SUCLG2: variants seen among roughly 807,000 people sequenced by gnomAD.
SUCLG2 encodes succinate-CoA ligase GDP-forming subunit beta.
In SUCLG2, 42 loss-of-function variants were observed where a neutral mutation model predicts 47.9. The observed-to-expected ratio is 0.88, with a 90% confidence interval of 0.69 to 1.14. SUCLG2 has a LOEUF of 1.14. Among genes scored for constraint, SUCLG2 ranks in the 50% most tolerant of loss-of-function variants. SUCLG2 has a pLI of 0.00. For synonymous variants in SUCLG2, 195 were observed against 197.3 expected, an observed-to-expected ratio of 0.99 and a Z score of 0.10; for missense variants, 571 against 525.9, an observed-to-expected ratio of 1.09 and a Z score of -0.84.
intron 6 of SUCLG2, among the ~76,000 whole-genome samples, chr3:67,510,886 GTT>G (rs1223682577): frequency 7.4e-6 from 1 of 135,884 alleles, no homozygotes; most frequent in Non-Finnish European, 1.6e-5. Flanking sequence ...CTGTTAAATT[GTT>G]CTTTTTTTTT....
chr3:67,540,340 C>T (rs551578285), intron 2 of SUCLG2, among the ~76,000 whole-genome samples: 9 of 152,026 alleles, frequency 5.9e-5, no homozygotes, highest in African/African-American at 1.9e-4. Flanking sequence ...GTCTGAAGTC[C>T]ACCTGGGGTG....
chr3:67,361,729 A>G (rs950838549), intron 10 of SUCLG2, among the ~76,000 whole-genome samples: 4 of 151,810 alleles, frequency 2.6e-5, no homozygotes, highest in African/African-American at 9.7e-5. Context: ...GTTTTAAGCA[A>G]CTCCTACAAA....
chr3:67,529,968 A>G (rs550539358), intron 2 of SUCLG2, among the ~76,000 whole-genome samples: 1 of 152,242 alleles, frequency 6.6e-6, no homozygotes. Flanking sequence ...CCCCTCCCCA[A>G]CCACCAAAAC....
At chr3:67,636,037 A>G (rs1701003926) in intron 1 of SUCLG2, among the ~76,000 whole-genome samples, 1 of 152,234 alleles carries the variant, frequency 6.6e-6, no homozygotes, top group Non-Finnish European at 1.5e-5. Flanking sequence ...ATTCAAGCTC[A>G]AGCGGAGATG....
chr3:67,596,237 C>T (rs1708289529), intron 2 of SUCLG2, among the ~76,000 whole-genome samples: 1 of 152,220 alleles, frequency 6.6e-6, no homozygotes, highest in Admixed American at 6.5e-5. Context: ...AAACACCTCT[C>T]TCTTCCCCTC....
At chr3:67,501,157 AT>A (rs1474087707) in intron 7 of SUCLG2, among the ~76,000 whole-genome samples, 1 of 152,194 alleles carries the variant, frequency 6.6e-6, no homozygotes, top group African/African-American at 2.4e-5. Context: ...TAATTGGATC[AT>A]TGCATGTATG....
intron 9 of SUCLG2, among the ~76,000 whole-genome samples, chr3:67,467,438 C>T (rs758116316): frequency 3.3e-5 from 5 of 152,180 alleles, no homozygotes; most frequent in Admixed American, 6.5e-5. Context: ...AAAAAAGCTG[C>T]TCCACTGCCT....
At chr3:67,648,476 C>CA (rs1701231087) in intron 1 of SUCLG2, among the ~76,000 whole-genome samples, 1 of 152,200 alleles carries the variant, frequency 6.6e-6, no homozygotes, top group Non-Finnish European at 1.5e-5. Context: ...CTTTCAGTGA[C>CA]AGAGCTTAAT....
chr3:67,431,667 T>G (rs1022634264), intron 9 of SUCLG2, among the ~76,000 whole-genome samples: 1 of 149,732 alleles, frequency 6.7e-6, no homozygotes, highest in Non-Finnish European at 1.5e-5. Context: ...ATGTTCTCAC[T>G]CATAGGTGGG....
At chr3:67,438,830 C>T (rs989916499) in intron 9 of SUCLG2, among the ~76,000 whole-genome samples, 6 of 152,150 alleles carry the variant, frequency 3.9e-5, no homozygotes, top group African/African-American at 1.4e-4. Flanking sequence ...TGGTACCATT[C>T]CTTCTGAAAC....
At chr3:67,529,282 T>TTCTGTAA in intron 2 of SUCLG2, 96 bp from the exon 3 acceptor site, 1 of 885,056 alleles carries the variant, frequency 1.1e-6, no homozygotes, top group Non-Finnish European at 1.7e-6. Flanking sequence ...AACTTCCAAG[T>TTCTGTAA]AACTGGTAAA....
chr3:67,570,031 G>A (rs1707565181), intron 2 of SUCLG2, among the ~76,000 whole-genome samples: 1 of 152,144 alleles, frequency 6.6e-6, no homozygotes, highest in Non-Finnish European at 1.5e-5. Flanking sequence ...CCATTAGGAA[G>A]GGACCTAATC....
chr3:67,455,018 A>G (rs1273246252), intron 9 of SUCLG2, among the ~76,000 whole-genome samples: 2 of 151,922 alleles, frequency 1.3e-5, no homozygotes, highest in African/African-American at 2.4e-5. Context: ...TCTAATATGC[A>G]GCCTGCAGTG....
At chr3:67,518,543 A>G (rs1000074325) in intron 5 of SUCLG2, among the ~76,000 whole-genome samples, 8 of 152,218 alleles carry the variant, frequency 5.3e-5, no homozygotes, top group Admixed American at 2.0e-4. Flanking sequence ...CAAAAACTAT[A>G]TAATTCTTCA....
At chr3:67,436,630 C>T (rs1272148945) in intron 9 of SUCLG2, among the ~76,000 whole-genome samples, 2 of 152,124 alleles carry the variant, frequency 1.3e-5, no homozygotes, top group African/African-American at 4.8e-5. Context: ...ACTATATCAT[C>T]ATCAATATTA....
chr3:67,436,954 T>C (rs1395658977), intron 9 of SUCLG2, among the ~76,000 whole-genome samples: 1 of 152,206 alleles, frequency 6.6e-6, no homozygotes, highest in Non-Finnish European at 1.5e-5. Flanking sequence ...TGTTTTCCTT[T>C]TAAATATTGC....
At chr3:67,459,850 T>A (rs1704283037) in intron 9 of SUCLG2, among the ~76,000 whole-genome samples, 1 of 152,140 alleles carries the variant, frequency 6.6e-6, no homozygotes, top group South Asian at 2.1e-4. Context: ...ATGGTACCGT[T>A]CTAAGGTTAT....
At chr3:67,511,606 G>A (rs919737892) in intron 6 of SUCLG2, among the ~76,000 whole-genome samples, 1 of 152,196 alleles carries the variant, frequency 6.6e-6, no homozygotes, top group African/African-American at 2.4e-5. Flanking sequence ...GGAATTGTAA[G>A]TAAATTAAAC....
intron 2 of SUCLG2, among the ~76,000 whole-genome samples, chr3:67,533,091 T>C (rs1644274993): frequency 6.6e-6 from 1 of 152,222 alleles, no homozygotes; most frequent in Admixed American, 6.5e-5. Context: ...TCTGAAAACA[T>C]ATTTACACAA....
Sources: gnomAD v4.1 joint callset for allele counts (sites outside exome capture counted in the v4.1 genomes callset) on GRCh38, gnomAD v4.1.1 for gene constraint, MANE v1.5 for transcripts, NCBI Gene and HGNC (gene_info 2026-07-23, HGNC 2026-07-21) for gene names.